FAT4: variants seen among roughly 807,000 people sequenced by gnomAD.
The protein encoded by FAT4 is protocadherin Fat 4.
In FAT4, 84 loss-of-function variants were observed where a neutral mutation model predicts 303.9. That is an observed-to-expected ratio of 0.28 (90% CI 0.23 to 0.33). The LOEUF (loss-of-function observed/expected upper bound fraction) is 0.33. Among genes scored for constraint, FAT4 ranks in the 10% least tolerant of loss-of-function variants. The pLI is 1.00. For synonymous variants in FAT4, 2,307 were observed against 2,298.8 expected, an observed-to-expected ratio of 1.00 and a Z score of -0.10; for missense variants, 6,005 against 6,146.8, an observed-to-expected ratio of 0.98 and a Z score of 0.77.
rs1408812471 is a variant in FAT4, at chr4:125,321,252, C to T, written c.4841C>T (p.Thr1614Ile). ...CTTGGGCCTGAAAGGAGGAAATCGA[C>T]CACTGAATTGACCATCATTCTTCAG... ...TDLGPERRKS[T>I]TELTIILQGL... Residue 1614 changes from threonine to isoleucine, a missense_variant, in exon 2 of 18, where the codon ACC (threonine) becomes ATC (isoleucine). Coordinates refer to ENST00000394329, the MANE Select transcript of FAT4 (RefSeq NM_001291303.3). 1 of 1,614,072 alleles carries T rather than the reference C, an allele frequency of 6.2e-7. No homozygotes were observed. Among genetic ancestry groups the T allele is most frequent in the Admixed American group, 1.7e-5 (1 of 60,026 alleles).
chr4:125,449,628 G>T lies in FAT4; in HGVS notation c.8618G>T (p.Arg2873Ile), dbSNP rs1196307573. ...FVTDINDNAP[R>I]FSRTSYYLDC... ...ACAGACATCAATGACAATGCTCCAAGATTTAGCAGAACTTCCTATTATTTA... is the reference window on the plus strand; with the variant it reads ...ACAGACATCAATGACAATGCTCCAATATTTAGCAGAACTTCCTATTATTTA... Residue 2873 changes from arginine (R) to isoleucine (I), a missense_variant, in exon 10 of 18, where the codon AGA (arginine) becomes ATA (isoleucine). By Grantham distance (97) the Arg-to-Ile change is moderately conservative (BLOSUM62 -3). Transcript: ENST00000394329. 1 of 1,613,790 alleles carries T rather than the reference G, an allele frequency of 6.2e-7. No homozygotes were observed. Among genetic ancestry groups the T allele is most frequent in the East Asian group, 2.2e-5 (1 of 44,870 alleles).
At chr4:125,437,095 T>C (rs1725479958) in intron 8 of FAT4, among the ~76,000 whole-genome samples, 1 of 152,016 alleles carries the variant, frequency 6.6e-6, no homozygotes, top group African/African-American at 2.4e-5. Context: ...TCTCAGGTGA[T>C]CTGCCCACTT....
intron 2 of FAT4, among the ~76,000 whole-genome samples, chr4:125,331,629 T>C (rs1308073327): frequency 1.3e-5 from 2 of 152,202 alleles, no homozygotes; most frequent in Non-Finnish European, 2.9e-5. Context: ...ATCTCATGTC[T>C]TCTCATCTCC....
chr4:125,405,991 T>G (rs992086697), intron 3 of FAT4, among the ~76,000 whole-genome samples: 2 of 152,190 alleles, frequency 1.3e-5, no homozygotes, highest in Admixed American at 6.5e-5. Context: ...CCTTTTCATT[T>G]TCTCGACTGT....
chr4:125,355,140 A>G (rs962989048), intron 2 of FAT4, among the ~76,000 whole-genome samples: 1 of 151,966 alleles, frequency 6.6e-6, no homozygotes, highest in Non-Finnish European at 1.5e-5. Flanking sequence ...GAGAACCTTC[A>G]TATGAGGTAT....
At chr4:125,394,871 G>C (rs371828777) in intron 2 of FAT4, among the ~76,000 whole-genome samples, 4 of 152,148 alleles carry the variant, frequency 2.6e-5, no homozygotes, top group African/African-American at 9.7e-5. Flanking sequence ...GACTGCTTCT[G>C]TTTGTAAATA....
At chr4:125,424,382 T>G (rs944796785) in intron 7 of FAT4, among the ~76,000 whole-genome samples, 1 of 152,206 alleles carries the variant, frequency 6.6e-6, no homozygotes, top group Admixed American at 6.5e-5. Context: ...CATTTTTCTC[T>G]CTCCTGCTGC....
intron 14 of FAT4, 134 bp from the exon 15 acceptor site, chr4:125,479,607 A>C (rs1175691621): frequency 1.2e-6 from 1 of 844,692 alleles, no homozygotes; most frequent in Non-Finnish European, 1.6e-6. Context: ...AGTTTCTCCA[A>C]ATGTAGTTGT....
At chr4:125,482,630 G>T (rs1727268400) in intron 16 of FAT4, among the ~76,000 whole-genome samples, 1 of 151,922 alleles carries the variant, frequency 6.6e-6, no homozygotes, top group African/African-American at 2.4e-5. Flanking sequence ...AACAAATCCA[G>T]ATTTCCTGAA....
chr4:125,351,131 T>A (rs2125978020), intron 2 of FAT4, among the ~76,000 whole-genome samples: 1 of 151,882 alleles, frequency 6.6e-6, no homozygotes, highest in Non-Finnish European at 1.5e-5. Context: ...TGTTGTTTTT[T>A]AAATCCAATA....
intron 2 of FAT4, among the ~76,000 whole-genome samples, chr4:125,383,754 T>G (rs538258064): frequency 6.6e-6 from 1 of 152,284 alleles, no homozygotes; most frequent in South Asian, 2.1e-4. Flanking sequence ...AATTCTAGAC[T>G]CTGAGATTTA....
intron 5 of FAT4, among the ~76,000 whole-genome samples, chr4:125,410,490 C>G (rs889892605): frequency 6.6e-6 from 1 of 152,118 alleles, no homozygotes; most frequent in African/African-American, 2.4e-5. Context: ...TTTAGTTAGT[C>G]TACCTATTCC....
At position 125,452,404 on chromosome 4, in the gene FAT4, A is replaced by C. The variant is rs1726123814; in HGVS notation, c.11394A>C (p.Val3798=). The C allele has an allele frequency of 6.2e-7, 1 of 1,614,060 alleles. No homozygotes were observed. The highest frequency in any genetic ancestry group is 1.7e-5 in the Admixed American group (1 of 60,006). The change falls in exon 10 of 18, where the codon GTA becomes GTC. Residue 3798 remains valine, a synonymous_variant. Coordinates refer to ENST00000394329, the MANE Select transcript of FAT4 (RefSeq NM_001291303.3). Reference sequence around the variant, plus strand: ...AGATCCTTCTCCGGCAGAGTGGAGTAAAGGTGGAATCTGTGGATCATGACT... The same window carrying C: ...AGATCCTTCTCCGGCAGAGTGGAGTCAAGGTGGAATCTGTGGATCATGACT... ...IKEILLRQSG[V]KVESVDHDSC... is the part of the protein sequence containing the mutation.
At position 125,452,488 on chromosome 4, in the gene FAT4, C is replaced by A; in HGVS notation, c.11478C>A (p.Ser3826Arg). 1 of 1,613,876 alleles carries A rather than the reference C, an allele frequency of 6.2e-7. No individual in the cohort carries two copies. The highest frequency in any genetic ancestry group is 8.5e-7 in the Non-Finnish European group (1 of 1,180,052). The change falls in exon 10 of 18, where the codon AGC (serine) becomes AGA (arginine). Residue 3826 changes from serine to arginine, a missense_variant. Ser to Arg is a moderately radical substitution (Grantham distance 110, BLOSUM62 -1). Transcript: ENST00000394329. The part of the protein sequence containing the change: ...GGSCLRRLAV[S>R]SVLKSRESLP... Reference sequence around the variant, plus strand: ...GCTGTCTACGAAGATTGGCTGTGAGCTCCGTATTAAAAAGCCGTGAGAGTC... The same window carrying A: ...GCTGTCTACGAAGATTGGCTGTGAGATCCGTATTAAAAAGCCGTGAGAGTC...
rs542417770 is a variant in FAT4 at position 125,382,497 on chromosome 4, G to T, written c.5176-16287G>T. Among the ~76,000 whole-genome samples the T allele has an allele frequency of 3.3e-5, 5 of 152,306 alleles. No homozygotes were observed. In the South Asian group the frequency reaches 1.0e-3, roughly 32 times the overall value. The stretch of plus-strand genomic sequence containing the variant: ...CAGTAATTGTCAACAGCGGGCTTAA[G>T]ATATTCAGCAAATCATGCTGTAAAC... On this transcript the variant is annotated intron_variant, in intron 2 of 17. Transcript: ENST00000394329.
chr4:125,435,091 C>T (rs919841182), intron 8 of FAT4, among the ~76,000 whole-genome samples: 6 of 152,122 alleles, frequency 3.9e-5, no homozygotes, highest in Non-Finnish European at 8.8e-5. Context: ...ATTTTTATTC[C>T]ACTACTAGCT....
intron 7 of FAT4, among the ~76,000 whole-genome samples, chr4:125,423,462 C>T (rs1724977595): frequency 6.6e-6 from 1 of 152,218 alleles, no homozygotes; most frequent in African/African-American, 2.4e-5. Flanking sequence ...GAAGTTTCCA[C>T]ATGGTGTTGA....
chr4:125,448,471 C>A lies in FAT4; in HGVS notation c.7461C>A (p.Val2487=), dbSNP rs745512268. ...CTTTCTCTTTTATAGGTTCCTTTGT[C>A]TTTGCGGTTACAGTCACAGATGCTG... is the stretch of plus-strand genomic sequence containing the variant. ...IPSPTLPGSF[V]FAVTVTDADI... The change falls in exon 10 of 18, where the codon GTC becomes GTA. Residue 2487 remains valine, a synonymous_variant. Coordinates refer to ENST00000394329, the MANE Select transcript of FAT4 (RefSeq NM_001291303.3). The A allele has an allele frequency of 1.3e-5, 20 of 1,599,426 alleles. No homozygotes were observed. In the East Asian group the frequency reaches 3.8e-4, roughly 30 times the overall value.
Position 125,320,341 on chromosome 4 carries a change from CA to C in FAT4, c.3932del (p.Asn1311IlefsTer18). 1 of 1,613,708 alleles carries C rather than the reference CA, an allele frequency of 6.2e-7. No individual in the cohort carries two copies. The highest frequency in any genetic ancestry group is 8.5e-7 in the Non-Finnish European group (1 of 1,179,690). On this transcript the variant is annotated frameshift_variant, in exon 2 of 18. Coordinates refer to ENST00000394329, the MANE Select transcript of FAT4 (RefSeq NM_001291303.3). LOFTEE classifies it high-confidence loss of function. ...ATATTGATATTTTAGATGAAAATGA[CA>C]ATACCCCTTCTTTCCCTAAATCAAC... is the stretch of plus-strand genomic sequence containing the variant. ...LNIDILDEND[N>X]TPSFPKSTLF...
Sources: allele counts gnomAD v4.1 joint callset (sites outside exome capture counted in the v4.1 genomes callset), GRCh38; gene constraint gnomAD v4.1.1; transcripts MANE v1.5; gene names NCBI Gene and HGNC (gene_info 2026-07-23, HGNC 2026-07-21).